SLC16A10: variants seen among roughly 807,000 people sequenced by gnomAD.
SLC16A10 encodes the protein monocarboxylate transporter 10.
In SLC16A10, 27 loss-of-function variants were observed where a neutral mutation model predicts 40.0. The ratio of observed to expected loss-of-function variants is 0.67; its 90% CI spans 0.50 to 0.93. The LOEUF is 0.93. Among genes scored for constraint, SLC16A10 ranks in the 40% least tolerant of loss-of-function variants. The pLI is 0.00. For synonymous variants in SLC16A10, 213 were observed against 249.8 expected (o/e 0.85, Z 1.39); for missense variants, 529 against 658.2 (o/e 0.80, Z 2.15).
Position 111,119,140 on chromosome 6 carries a change from TCTC to T in SLC16A10, c.343+31049_343+31051del, listed in dbSNP as rs1771540253. ...TTAATATCGCTGACACAAAAATAGG[TCTC>T]CTCAGATCCTATTTGGAGGTAAACC... On this transcript the variant is annotated intron_variant, in intron 1 of 5. Transcript: ENST00000368851. Among the ~76,000 whole-genome samples, 6 of 152,224 alleles carry T rather than the reference TCTC, an allele frequency of 3.9e-5. No homozygotes were observed. The South Asian group carries it at 1.2e-3, about 32-fold the overall frequency.
At chr6:111,116,966 T>G (rs766547586) in intron 1 of SLC16A10, among the ~76,000 whole-genome samples, 1 of 152,136 alleles carries the variant, frequency 6.6e-6, no homozygotes. Flanking sequence ...TAGCAGTACA[T>G]GTATTGATTA....
chr6:111,140,838 T>C (rs982372614), intron 1 of SLC16A10, among the ~76,000 whole-genome samples: 9 of 152,128 alleles, frequency 5.9e-5, no homozygotes, highest in Non-Finnish European at 1.5e-5. Flanking sequence ...AAGGCTGGAG[T>C]GCAGTGATGC....
chr6:111,214,496 GCCCAGGCAT>G (rs1218530224), intron 4 of SLC16A10, among the ~76,000 whole-genome samples: 2 of 152,186 alleles, frequency 1.3e-5, no homozygotes, highest in Non-Finnish European at 2.9e-5. Flanking sequence ...GCTCCTTGTG[GCCCAGGCAT>G]CCCTGCATAT....
At chr6:111,130,135 G>A (rs575725299) in intron 1 of SLC16A10, among the ~76,000 whole-genome samples, 1 of 152,156 alleles carries the variant, frequency 6.6e-6, no homozygotes, top group East Asian at 1.9e-4. Context: ...ACACTTATTT[G>A]TGTGCTTTTA....
intron 1 of SLC16A10, among the ~76,000 whole-genome samples, chr6:111,123,435 G>T (rs1771618984): frequency 6.6e-6 from 1 of 152,170 alleles, no homozygotes; most frequent in South Asian, 2.1e-4. Context: ...TCCATGCTCA[G>T]GTATGTGTTT....
At chr6:111,120,998 T>C (rs1771573279) in intron 1 of SLC16A10, among the ~76,000 whole-genome samples, 1 of 152,240 alleles carries the variant, frequency 6.6e-6, no homozygotes, top group Non-Finnish European at 1.5e-5. Context: ...GGCACTTTAT[T>C]TCCCTAATAG....
At chr6:111,101,123 T>C (rs113326922) in intron 1 of SLC16A10, among the ~76,000 whole-genome samples, 7 of 151,196 alleles carry the variant, frequency 4.6e-5, no homozygotes, top group African/African-American at 1.7e-4. Flanking sequence ...CTCGACCTCC[T>C]GGGCTCAAGT....
intron 3 of SLC16A10, among the ~76,000 whole-genome samples, chr6:111,181,467 ATT>A (rs1772790291): frequency 6.6e-6 from 1 of 152,216 alleles, no homozygotes; most frequent in Non-Finnish European, 1.5e-5. Context: ...ATAGAAGTAA[ATT>A]TTGAAAGGAG....
chr6:111,218,123 G>A (rs1255282368), intron 4 of SLC16A10, among the ~76,000 whole-genome samples: 3 of 151,754 alleles, frequency 2.0e-5, no homozygotes, highest in Non-Finnish European at 4.4e-5. Flanking sequence ...TAGTTTTAAA[G>A]GTTAAAAAAA....
At chr6:111,181,798 A>C (rs1371200400) in intron 3 of SLC16A10, among the ~76,000 whole-genome samples, 1 of 152,148 alleles carries the variant, frequency 6.6e-6, no homozygotes, top group South Asian at 2.1e-4. Flanking sequence ...AGCTAAATTT[A>C]CCTTTCTTTT....
intron 1 of SLC16A10, among the ~76,000 whole-genome samples, chr6:111,137,646 G>A (rs1424238106): frequency 1.3e-5 from 2 of 152,242 alleles, no homozygotes; most frequent in Non-Finnish European, 2.9e-5. Flanking sequence ...GAAATCTCAA[G>A]TGCATGACCC....
intron 5 of SLC16A10, 34 bp from the exon 6 acceptor site, chr6:111,221,969 G>A (rs940346106): frequency 1.9e-6 from 3 of 1,573,756 alleles, no homozygotes; most frequent in Admixed American, 2.1e-5. Flanking sequence ...AGCCACACTT[G>A]TTCTCCCTTG....
chr6:111,116,392 A>G (rs1771487178), intron 1 of SLC16A10, among the ~76,000 whole-genome samples: 1 of 151,740 alleles, frequency 6.6e-6, no homozygotes, highest in African/African-American at 2.4e-5. Context: ...TAATTTTTGT[A>G]TTATTAGTAG....
chr6:111,152,558 A>G (rs2114517049), intron 1 of SLC16A10, among the ~76,000 whole-genome samples: 1 of 152,384 alleles, frequency 6.6e-6, no homozygotes, highest in Middle Eastern at 3.4e-3. Context: ...AATCTTACAG[A>G]ACAAGGCTAT....
chr6:111,195,603 A>C (rs1773066756), intron 3 of SLC16A10, among the ~76,000 whole-genome samples: 1 of 152,234 alleles, frequency 6.6e-6, no homozygotes, highest in Non-Finnish European at 1.5e-5. Flanking sequence ...TTTCCAAAAC[A>C]ACCCTAATGA....
At chr6:111,160,284 G>A (rs1324726924) in intron 1 of SLC16A10, among the ~76,000 whole-genome samples, 3 of 152,164 alleles carry the variant, frequency 2.0e-5, no homozygotes, top group African/African-American at 7.2e-5. Flanking sequence ...TGTTGCCCAG[G>A]CTGGAGTGCA....
chr6:111,096,346 C>A (rs766461761), intron 1 of SLC16A10, among the ~76,000 whole-genome samples: 2 of 152,192 alleles, frequency 1.3e-5, no homozygotes, highest in Non-Finnish European at 2.9e-5. Flanking sequence ...ACAAGCTAAA[C>A]CCTAAACATA....
At chr6:111,128,383 A>G (rs1407976216) in intron 1 of SLC16A10, among the ~76,000 whole-genome samples, 1 of 151,908 alleles carries the variant, frequency 6.6e-6, no homozygotes, top group African/African-American at 2.4e-5. Context: ...CCTACACTTA[A>G]CTCTACACTA....
Position 111,177,214 on chromosome 6 carries a change from C to T in SLC16A10, c.491C>T (p.Ser164Phe). 1.3e-6 allele frequency: 2 copies of T among 1,508,566 alleles called. No individual in the cohort carries two copies. The highest frequency in any genetic ancestry group is 1.8e-6 in the Non-Finnish European group (2 of 1,129,048). 93.4% of individuals were successfully genotyped at this position (1,508,566 alleles called of 1,614,324 possible). A position where few individuals can be genotyped will look rare whatever the true frequency, so the allele number is the denominator to read the frequency against. Reference sequence around the variant, plus strand: ...CCATCTTTTTCATCTTTATACAGTTCCATCGAGCCTCTGTACCTTACCTAT... The same window carrying T: ...CCATCTTTTTCATCTTTATACAGTTTCATCGAGCCTCTGTACCTTACCTAT... ...VGLMSSSFVS[S>F]IEPLYLTYGI... The change falls in exon 3 of 6, where the codon TCC becomes TTC. Residue 164 changes from serine (S) to phenylalanine (F), a missense_variant and splice_region_variant. Coordinates refer to ENST00000368851, the MANE Select transcript of SLC16A10 (RefSeq NM_018593.5).
Sources: allele counts gnomAD v4.1 joint callset (sites outside exome capture counted in the v4.1 genomes callset), GRCh38; gene constraint gnomAD v4.1.1; transcripts MANE v1.5; gene names NCBI Gene and HGNC (gene_info 2026-07-23, HGNC 2026-07-21).